TENM4: variants seen among roughly 807,000 people sequenced by gnomAD.
The protein encoded by TENM4 is teneurin-4.
In TENM4, 82 loss-of-function variants were observed where a neutral mutation model predicts 243.3. The observed-to-expected ratio is 0.34, with a 90% CI of 0.28 to 0.40. The LOEUF is 0.40. Among genes scored for constraint, TENM4 ranks in the 10% least tolerant of loss-of-function variants. The pLI, the probability that TENM4 is intolerant of heterozygous loss-of-function variation, is 1.00. For missense variants in TENM4, 3,138 were observed against 3,673.3 expected, an observed-to-expected ratio of 0.85 and a Z score of 3.77; for synonymous variants, 1,412 against 1,456.3, an observed-to-expected ratio of 0.97 and a Z score of 0.69.
At chr11:79,129,496 G>T (rs7928292) in intron 4 of TENM4, among the ~76,000 whole-genome samples, 3 of 152,068 alleles carry the variant, frequency 2.0e-5, no homozygotes, top group Non-Finnish European at 2.9e-5. Context: ...AGCCCAGCTC[G>T]CCCACCACCT....
chr11:79,106,004 A>T (rs1267210027), intron 4 of TENM4, among the ~76,000 whole-genome samples: 3 of 152,226 alleles, frequency 2.0e-5, no homozygotes, highest in Non-Finnish European at 1.5e-5. Flanking sequence ...ACAACCACAA[A>T]CAAGAAGTTA....
intron 32 of TENM4, among the ~76,000 whole-genome samples, chr11:78,665,030 A>G (rs1230671510): frequency 6.6e-6 from 1 of 152,140 alleles, no homozygotes; most frequent in African/African-American, 2.4e-5. Flanking sequence ...ACCATATCAG[A>G]AGTAGATATT....
intron 2 of TENM4, among the ~76,000 whole-genome samples, chr11:79,224,517 A>G (rs191015403): frequency 8.5e-4 from 130 of 152,264 alleles, no homozygotes; most frequent in African/African-American, 2.8e-3. Flanking sequence ...GTATCCTCAA[A>G]AAAGAAAATA....
chr11:79,172,118 AT>A (rs1863058714), intron 3 of TENM4, among the ~76,000 whole-genome samples: 1 of 152,050 alleles, frequency 6.6e-6, no homozygotes, highest in Non-Finnish European at 1.5e-5. Flanking sequence ...CACCTGACTA[AT>A]TTTTATTTAT....
chr11:78,749,030 C>T (rs1590990853), intron 19 of TENM4, among the ~76,000 whole-genome samples: 1 of 152,212 alleles, frequency 6.6e-6, no homozygotes, highest in East Asian at 1.9e-4. Context: ...ACAGCATCCT[C>T]TGCTAATGCT....
chr11:78,712,607 A>G lies in TENM4; in HGVS notation c.3929T>C (p.Val1310Ala). 1 of 1,613,916 alleles carries G rather than the reference A, an allele frequency of 6.2e-7. No homozygotes were observed. The highest frequency in any genetic ancestry group is 8.5e-7 in the Non-Finnish European group (1 of 1,179,890). Residue 1310 changes from valine (V) to alanine (A), a missense_variant, in exon 26 of 34, where the codon GTG becomes GCG. Val to Ala is a moderately conservative substitution (Grantham distance 64). Around this residue, in one of 2 missense-constraint regions of TENM4, gnomAD observed 2,467 missense variants for 3,059.1 expected, o/e 0.81. Transcript: ENST00000278550. ...AGAGTTCTTGACAAGGTCCTTCACC[A>G]CCACAGTGGACTTGATTTTAAAGAC... ...RRVFKIKSTV[V>A]VKDLVKNSEV...
intron 2 of TENM4, among the ~76,000 whole-genome samples, chr11:79,236,528 C>A (rs567525210): frequency 6.6e-6 from 1 of 152,296 alleles, no homozygotes; most frequent in Admixed American, 6.5e-5. Flanking sequence ...TGACTGTCAG[C>A]ACTCCAGTAT....
At position 79,328,302 on chromosome 11, in the gene TENM4, G is replaced by T. The variant is rs553084950; in HGVS notation, c.-320-30759C>A. On this transcript the variant is annotated intron_variant, in intron 1 of 33. Coordinates refer to ENST00000278550, the MANE Select transcript of TENM4 (RefSeq NM_001098816.3). ...CCCAGGAACCAAGAAGAAAGTGGCA[G>T]GTCTTAAACTCCAACCCATGTTTTT... Among the ~76,000 whole-genome samples, 6 of 152,306 alleles carry T rather than the reference G, an allele frequency of 3.9e-5. No individual in the cohort carries two copies. The South Asian group carries it at 1.2e-3, about 32-fold the overall frequency.
intron 2 of TENM4, among the ~76,000 whole-genome samples, chr11:79,257,554 A>AAGGGTGG (rs772278830): frequency 1.1e-4 from 17 of 152,216 alleles, no homozygotes; most frequent in Non-Finnish European, 2.4e-4. Context: ...TGCATCTTGG[A>AAGGGTGG]AGGGTGGAGG....
Position 79,367,123 on chromosome 11 carries a change from A to T in TENM4, c.-320-69580T>A, listed in dbSNP as rs17138243. Among the ~76,000 whole-genome samples the T allele has an allele frequency of 3.8e-3, 574 of 152,352 alleles. 3 individuals are homozygous for T. The highest frequency in any genetic ancestry group is 0.013 in the African/African-American group (546 of 41,578). ...CAAATTGGCTGGATCACTTTCAACAAGACTTTTCTTGGGCCTTTGGCTCCA... is the reference window on the plus strand; with the variant it reads ...CAAATTGGCTGGATCACTTTCAACATGACTTTTCTTGGGCCTTTGGCTCCA... On this transcript the variant is annotated intron_variant, in intron 1 of 33. Transcript: ENST00000278550.
At chr11:78,906,335 G>A (rs932846454) in intron 6 of TENM4, among the ~76,000 whole-genome samples, 1 of 152,140 alleles carries the variant, frequency 6.6e-6, no homozygotes, top group Non-Finnish European at 1.5e-5. Context: ...TGGTGCCTTT[G>A]CATAAAACTT....
chr11:78,702,429 A>G (rs1448955650), intron 27 of TENM4, 26 bp from the exon 28 acceptor site: 2 of 1,589,918 alleles, frequency 1.3e-6, no homozygotes, highest in African/African-American at 2.7e-5. Context: ...CCGATACTCA[A>G]ATGACTGGCA....
chr11:78,726,574 T>C (rs1855515610), intron 22 of TENM4, among the ~76,000 whole-genome samples: 1 of 152,204 alleles, frequency 6.6e-6, no homozygotes, highest in Admixed American at 6.5e-5. Context: ...ATCCCCAGTG[T>C]TGGAGGTGGG....
chr11:78,903,612 A>T, intron 6 of TENM4, 89 bp from the exon 7 acceptor site: 7 of 1,520,010 alleles, frequency 4.6e-6, no homozygotes, highest in Non-Finnish European at 6.2e-6. Context: ...GCAAGACCAC[A>T]GAAGAGGGAG....
intron 10 of TENM4, among the ~76,000 whole-genome samples, chr11:78,861,763 C>T (rs1858824780): frequency 2.0e-5 from 3 of 152,282 alleles, no homozygotes. Flanking sequence ...CAGAGAGGCT[C>T]AGATGCTATG....
At chr11:79,261,096 G>A (rs1347698541) in intron 2 of TENM4, among the ~76,000 whole-genome samples, 1 of 152,222 alleles carries the variant, frequency 6.6e-6, no homozygotes, top group Non-Finnish European at 1.5e-5. Flanking sequence ...ATTCCTATTT[G>A]CCTTGACCTG....
intron 4 of TENM4, among the ~76,000 whole-genome samples, chr11:79,084,653 AATG>A (rs988593118): frequency 2.6e-5 from 4 of 151,738 alleles, no homozygotes; most frequent in African/African-American, 9.7e-5. Flanking sequence ...TTAAAAGAAA[AATG>A]ATAAAACTTT....
chr11:79,370,779 TAAAAAAAAAAAAAAAAA>T (rs544196671), intron 1 of TENM4, among the ~76,000 whole-genome samples: 18 of 57,168 alleles, frequency 3.1e-4, no homozygotes, highest in Non-Finnish European at 4.9e-4. Flanking sequence ...ACTCCTATGG[TAAAAAAAAAAAAAAAAA>T]AAAAAAAAAA....
At chr11:79,220,900 A>G (rs1332459033) in intron 2 of TENM4, 1 of 152,176 alleles carries the variant, frequency 6.6e-6, no homozygotes, top group Non-Finnish European at 1.5e-5. Flanking sequence ...GAGTGACTTT[A>G]AGCAACACCT....
Sources: allele counts gnomAD v4.1 joint callset (sites outside exome capture counted in the v4.1 genomes callset), GRCh38; gene constraint gnomAD v4.1.1; regional missense constraint gnomAD v4.1.1; transcripts MANE v1.5; gene names NCBI Gene and HGNC (gene_info 2026-07-23, HGNC 2026-07-21).